The following RBM26 variants were observed in gnomAD, a reference collection of about 807,000 sequenced individuals.
RBM26 encodes RNA binding motif protein 26.
In RBM26, 30 loss-of-function variants were observed where a neutral mutation model predicts 123.6. The observed-to-expected ratio is 0.24, with a 90% CI of 0.18 to 0.33. RBM26 has a LOEUF of 0.33. RBM26 is among the 10% of genes least tolerant of loss of function. RBM26 has a pLI of 1.00. For synonymous variants in RBM26, 400 were observed against 404.4 expected (o/e 0.99, Z 0.13); for missense variants, 947 against 1,203.6 (o/e 0.79, Z 3.15).
At chr13:79,373,870 G>A (rs1400650959) in intron 3 of RBM26, among the ~76,000 whole-genome samples, 2 of 149,134 alleles carry the variant, frequency 1.3e-5, no homozygotes, top group Non-Finnish European at 3.0e-5. Flanking sequence ...CTACTAGAAA[G>A]CAACCTTGGA....
chr13:79,380,165 T>C (rs574931120), intron 1 of RBM26, among the ~76,000 whole-genome samples: 13 of 152,326 alleles, frequency 8.5e-5, no homozygotes, highest in Middle Eastern at 3.4e-3. Flanking sequence ...CATTGTCATA[T>C]TGATTGTAAA....
chr13:79,384,659 A>C (rs1293842640), intron 1 of RBM26, among the ~76,000 whole-genome samples: 2 of 152,192 alleles, frequency 1.3e-5, no homozygotes, highest in African/African-American at 4.8e-5. Flanking sequence ...TTCTCTTCCA[A>C]CTATATCTGG....
intron 1 of RBM26, among the ~76,000 whole-genome samples, chr13:79,404,455 A>T (rs186846856): frequency 3.0e-4 from 45 of 152,378 alleles, no homozygotes; most frequent in African/African-American, 9.4e-4. Context: ...AGGCAGAGTT[A>T]AAACAAAATT....
chr13:79,402,478 C>T (rs992345795), intron 1 of RBM26, among the ~76,000 whole-genome samples: 3 of 151,174 alleles, frequency 2.0e-5, no homozygotes, highest in African/African-American at 7.3e-5. Flanking sequence ...ACCCTCTTGC[C>T]CTAAAACCCT....
intron 12 of RBM26, 85 bp from the exon 13 acceptor site, chr13:79,354,655 C>T: frequency 8.0e-7 from 1 of 1,252,696 alleles, no homozygotes; most frequent in South Asian, 2.8e-5. Context: ...CTACATTGCC[C>T]ATGCAGAGAA....
At chr13:79,370,867 G>C (rs2075811004) in intron 5 of RBM26, 78 bp downstream of exon 5, 1 of 1,448,864 alleles carries the variant, frequency 6.9e-7, no homozygotes, top group African/African-American at 1.4e-5. Context: ...AGACAACACT[G>C]ACAAAATGTT....
exon 5 of RBM26, chr13:79,311,838 A>T (rs1593797285): frequency 6.6e-6 from 1 of 152,102 alleles, no homozygotes. Flanking sequence ...GTTTTTAGTA[A>T]GACTTTTATT....
intron 14 of RBM26, among the ~76,000 whole-genome samples, chr13:79,348,401 A>G (rs562999895): frequency 1.3e-5 from 2 of 152,268 alleles, no homozygotes; most frequent in African/African-American, 2.4e-5. Flanking sequence ...ACCAGCCACA[A>G]TAACTATAAG....
intron 1 of RBM26, among the ~76,000 whole-genome samples, chr13:79,392,730 G>A (rs2078204707): frequency 1.4e-5 from 2 of 147,160 alleles, no homozygotes; most frequent in South Asian, 4.3e-4. Flanking sequence ...ACCCCAACAA[G>A]AAACAAGCCG....
chr13:79,355,240 A>C lies in RBM26; in HGVS notation c.1834T>G (p.Leu612Val). Residue 612 changes from leucine (L) to valine (V), a missense_variant, in exon 12 of 22, where the codon TTA (leucine) becomes GTA (valine). By Grantham distance (32) the Leu-to-Val change is conservative. Coordinates refer to ENST00000438737, the MANE Select transcript of RBM26 (RefSeq NM_001366735.2). ...YWHREGSTQQLQTTSPKVMQP... is the reference protein window; with the variant it reads ...YWHREGSTQQVQTTSPKVMQP... Reference sequence around the variant, plus strand: ...CTTACCTTTGGAGAAGTAGTTTGTAACTGTTGGGTGCTTCCTTCTCTGTGC... The same window carrying C: ...CTTACCTTTGGAGAAGTAGTTTGTACCTGTTGGGTGCTTCCTTCTCTGTGC... 1 of 1,613,866 alleles carries C rather than the reference A, an allele frequency of 6.2e-7. No individual in the cohort carries two copies.
intron 1 of RBM26, among the ~76,000 whole-genome samples, chr13:79,380,020 A>C (rs537149716): frequency 6.6e-6 from 1 of 152,278 alleles, no homozygotes; most frequent in East Asian, 1.9e-4. Flanking sequence ...CGCAATTCTA[A>C]ACATGAGCTG....
At position 79,320,595 on chromosome 13, in the gene RBM26, C is replaced by T; in HGVS notation, c.*26G>A. The T allele has an allele frequency of 6.4e-7, 1 of 1,565,078 alleles. No individual in the cohort carries two copies. Among genetic ancestry groups the T allele is most frequent in the South Asian group, 1.2e-5 (1 of 82,934 alleles). Reference sequence around the variant, plus strand: ...TAATGAAACACAGGTAGAGTTCTAGCATATGCAGATCAATGATCAGTCAAA... The same window carrying T: ...TAATGAAACACAGGTAGAGTTCTAGTATATGCAGATCAATGATCAGTCAAA... On this transcript the variant is annotated 3_prime_UTR_variant, in exon 22 of 22. Transcript: ENST00000438737.
At chr13:79,366,025 T>C (rs1201448812) in intron 8 of RBM26, 30 bp downstream of exon 8, 1 of 1,599,802 alleles carries the variant, frequency 6.3e-7, no homozygotes, top group South Asian at 1.1e-5. Context: ...CTGTGTTACA[T>C]TACGAATATA....
chr13:79,381,285 TACA>T (rs2077051690), intron 1 of RBM26, among the ~76,000 whole-genome samples: 2 of 152,042 alleles, frequency 1.3e-5, no homozygotes, highest in African/African-American at 4.8e-5. Flanking sequence ...GACTGCCTCT[TACA>T]ACGAGGTGCC....
chr13:79,320,788 C>T (rs773298261), intron 21 of RBM26, 78 bp from the exon 22 acceptor site: 24 of 1,295,794 alleles, frequency 1.9e-5, no homozygotes, highest in Admixed American at 3.0e-5. Context: ...CTTTTAAATA[C>T]TCATCTCTCT....
chr13:79,395,560 T>C (rs955970431), intron 1 of RBM26, among the ~76,000 whole-genome samples: 2 of 152,018 alleles, frequency 1.3e-5, no homozygotes, highest in Admixed American at 6.6e-5. Context: ...GTTAATATAG[T>C]GAGACCCCAT....
At chr13:79,325,845 C>G (rs553489518) in intron 20 of RBM26, among the ~76,000 whole-genome samples, 4 of 152,266 alleles carry the variant, frequency 2.6e-5, no homozygotes, top group African/African-American at 9.6e-5. Flanking sequence ...CCTGCAAATG[C>G]CATTCATGGT....
chr13:79,368,514 A>C (rs905956061), intron 6 of RBM26, among the ~76,000 whole-genome samples: 1 of 152,212 alleles, frequency 6.6e-6, no homozygotes, highest in African/African-American at 2.4e-5. Context: ...CAATTTATTA[A>C]GACTTACTTG....
At chr13:79,391,722 C>G (rs1475008819) in intron 1 of RBM26, among the ~76,000 whole-genome samples, 1 of 152,012 alleles carries the variant, frequency 6.6e-6, no homozygotes, top group African/African-American at 2.4e-5. Flanking sequence ...CCGCACCCAG[C>G]CGAAGCATTT....
Sources: gnomAD v4.1 joint callset for allele counts (sites outside exome capture counted in the v4.1 genomes callset) on GRCh38, gnomAD v4.1.1 for gene constraint, MANE v1.5 for transcripts, NCBI Gene and HGNC (gene_info 2026-07-23, HGNC 2026-07-21) for gene names.